The following GRID2 variants were observed in gnomAD, a reference collection of about 807,000 sequenced individuals.
The protein encoded by GRID2 is glutamate ionotropic receptor delta type subunit 2.
In GRID2, 33 loss-of-function variants were observed where a neutral mutation model predicts 114.8. The ratio of observed to expected loss-of-function variants is 0.29; its 90% CI spans 0.22 to 0.38. The LOEUF (loss-of-function observed/expected upper bound fraction) is 0.38. Ranked by LOEUF, GRID2 falls within the 10% of genes least tolerant of loss-of-function variation. GRID2 has a pLI of 1.00. For synonymous variants in GRID2, 505 were observed against 449.9 expected, an observed-to-expected ratio of 1.12 and a Z score of -1.55; for missense variants, 1,184 against 1,257.7, an observed-to-expected ratio of 0.94 and a Z score of 0.89.
At chr4:93,050,550 G>A (rs1726607502) in intron 2 of GRID2, among the ~76,000 whole-genome samples, 1 of 143,068 alleles carries the variant, frequency 7.0e-6, no homozygotes, top group African/African-American at 2.6e-5. Context: ...GTGTGTGTGT[G>A]TGTGGTGTAT....
chr4:93,418,908 C>T (rs1483383650), intron 9 of GRID2, among the ~76,000 whole-genome samples: 2 of 151,510 alleles, frequency 1.3e-5, no homozygotes, highest in Non-Finnish European at 2.9e-5. Context: ...GATTTTAATC[C>T]ATAGGTGGAA....
chr4:93,256,142 A>G (rs577020182), intron 8 of GRID2, among the ~76,000 whole-genome samples: 1 of 151,996 alleles, frequency 6.6e-6, no homozygotes, highest in South Asian at 2.1e-4. Flanking sequence ...TTTAACTTTT[A>G]GCCTTTTTTT....
At chr4:92,620,825 G>A (rs1273964177) in intron 2 of GRID2, among the ~76,000 whole-genome samples, 1 of 151,078 alleles carries the variant, frequency 6.6e-6, no homozygotes, top group Non-Finnish European at 1.5e-5. Context: ...ATAGCATTAG[G>A]AGATATACCT....
intron 2 of GRID2, among the ~76,000 whole-genome samples, chr4:92,930,911 G>T (rs1750181879): frequency 6.6e-6 from 1 of 150,938 alleles, no homozygotes; most frequent in South Asian, 2.1e-4. Context: ...GGCACGGAAA[G>T]ATTGGCAGGT....
At chr4:93,265,461 C>T (rs1213692202) in intron 8 of GRID2, among the ~76,000 whole-genome samples, 1 of 152,078 alleles carries the variant, frequency 6.6e-6, no homozygotes, top group Non-Finnish European at 1.5e-5. Flanking sequence ...TACTTAAGGT[C>T]ATTGCTGGGT....
At chr4:93,708,994 C>T (rs1196284382) in intron 14 of GRID2, among the ~76,000 whole-genome samples, 1 of 152,038 alleles carries the variant, frequency 6.6e-6, no homozygotes, top group African/African-American at 2.4e-5. Context: ...TACACTTTAA[C>T]TTCATCCCTT....
chr4:92,314,069 C>T (rs1004194638), intron 1 of GRID2, among the ~76,000 whole-genome samples: 11 of 151,866 alleles, frequency 7.2e-5, no homozygotes, highest in South Asian at 6.2e-4. Flanking sequence ...GGATAGAAAA[C>T]GTTCAAATAG....
chr4:92,716,672 G>A (rs1315143819), intron 2 of GRID2, among the ~76,000 whole-genome samples: 1 of 152,116 alleles, frequency 6.6e-6, no homozygotes, highest in Non-Finnish European at 1.5e-5. Flanking sequence ...CATATTATTT[G>A]ACATTACAGC....
intron 2 of GRID2, among the ~76,000 whole-genome samples, chr4:93,082,663 A>G (rs1356125787): frequency 6.6e-6 from 1 of 152,188 alleles, no homozygotes; most frequent in Non-Finnish European, 1.5e-5. Flanking sequence ...TAGGCCTGAC[A>G]TTATATGCTT....
intron 2 of GRID2, among the ~76,000 whole-genome samples, chr4:92,870,547 A>G (rs1267489793): frequency 6.6e-6 from 1 of 152,144 alleles, no homozygotes; most frequent in Non-Finnish European, 1.5e-5. Context: ...TAGGTGAGAT[A>G]TATGTTTCAG....
intron 2 of GRID2, among the ~76,000 whole-genome samples, chr4:92,780,141 TAGAC>T (rs1738999452): frequency 6.6e-6 from 1 of 152,140 alleles, no homozygotes; most frequent in Non-Finnish European, 1.5e-5. Flanking sequence ...GGTAAAATCT[TAGAC>T]ACGCAATTTA....
chr4:92,802,643 C>G (rs1292631410), intron 2 of GRID2, among the ~76,000 whole-genome samples: 2 of 152,054 alleles, frequency 1.3e-5, no homozygotes, highest in East Asian at 3.9e-4. Flanking sequence ...GTTTGCTTTT[C>G]ATACAATAAG....
At chr4:93,004,217 A>G (rs905088556) in intron 2 of GRID2, among the ~76,000 whole-genome samples, 15 of 152,064 alleles carry the variant, frequency 9.9e-5, no homozygotes, top group African/African-American at 3.4e-4. Flanking sequence ...GTGACCAAAA[A>G]AAGTCTTTTT....
chr4:93,800,510 T>C (rs570360707), intron 1 of GRID2, among the ~76,000 whole-genome samples: 2 of 152,350 alleles, frequency 1.3e-5, no homozygotes, highest in East Asian at 3.9e-4. Flanking sequence ...TTTCTACTCA[T>C]GTATTTGTAT....
chr4:92,614,749 C>G (rs1729926360), intron 2 of GRID2, among the ~76,000 whole-genome samples: 1 of 151,502 alleles, frequency 6.6e-6, no homozygotes, highest in Non-Finnish European at 1.5e-5. Context: ...TATTGTCTTT[C>G]CTTGCTGATT....
chr4:93,268,061 A>G (rs191064905), intron 8 of GRID2, among the ~76,000 whole-genome samples: 33 of 152,072 alleles, frequency 2.2e-4, no homozygotes, highest in African/African-American at 7.5e-4. Flanking sequence ...TTTACTCACA[A>G]TTTTCTGCTG....
At chr4:93,563,020 T>C (rs1273859910) in intron 13 of GRID2, among the ~76,000 whole-genome samples, 2 of 152,018 alleles carry the variant, frequency 1.3e-5, no homozygotes, top group Non-Finnish European at 2.9e-5. Context: ...GTTTTCCAAC[T>C]TTATTCTTCT....
intron 2 of GRID2, among the ~76,000 whole-genome samples, chr4:92,660,768 A>G (rs1048241520): frequency 6.6e-6 from 1 of 151,140 alleles, no homozygotes; most frequent in Non-Finnish European, 1.5e-5. Flanking sequence ...TCCTATGAAA[A>G]CTGTGATTTC....
chr4:92,861,769 T>C (rs1744550012), intron 2 of GRID2, among the ~76,000 whole-genome samples: 1 of 152,034 alleles, frequency 6.6e-6, no homozygotes, highest in African/African-American at 2.4e-5. Context: ...ATCAGACTAC[T>C]CTTTAAGTTA....
Sources: gnomAD v4.1 joint callset for allele counts (sites outside exome capture counted in the v4.1 genomes callset) on GRCh38, gnomAD v4.1.1 for gene constraint, MANE v1.5 for transcripts, NCBI Gene and HGNC (gene_info 2026-07-23, HGNC 2026-07-21) for gene names.